Variants in TUSC3 observed in about 807,000 individuals in gnomAD.
TUSC3 encodes dolichyl-diphosphooligosaccharide--protein glycosyltransferase subunit TUSC3.
In TUSC3, 45 loss-of-function variants were observed where a neutral mutation model predicts 44.8. That is an observed-to-expected ratio of 1.00 (90% CI 0.79 to 1.29). TUSC3 has a LOEUF of 1.29. Among genes scored for constraint, TUSC3 ranks in the 50% most tolerant of loss-of-function variants. The pLI, the probability that TUSC3 is intolerant of heterozygous loss-of-function variation, is 0.00. For missense variants in TUSC3, 519 were observed against 437.9 expected, an observed-to-expected ratio of 1.19 and a Z score of -1.65; for synonymous variants, 212 against 152.9, an observed-to-expected ratio of 1.39 and a Z score of -2.85.
chr8:15,573,202 C>CTCTCTATATATATA (rs1435847916), intron 1 of TUSC3, among the ~76,000 whole-genome samples: 1 of 74,194 alleles, frequency 1.3e-5, no homozygotes, highest in African/African-American at 5.3e-5. Context: ...CTCTCTCTCT[C>CTCTCTATATATATA]TATATATATA....
intron 6 of TUSC3, among the ~76,000 whole-genome samples, chr8:15,682,920 C>T (rs1348594389): frequency 1.3e-5 from 2 of 151,732 alleles, no homozygotes; most frequent in Non-Finnish European, 2.9e-5. Context: ...CTTAGTTTGG[C>T]ATGAGATGCA....
chr8:15,563,344 G>C (rs992693579), intron 1 of TUSC3, among the ~76,000 whole-genome samples: 1 of 152,212 alleles, frequency 6.6e-6, no homozygotes, highest in East Asian at 1.9e-4. Flanking sequence ...AAAGGCTACT[G>C]TTTGCATGGT....
chr8:15,590,359 T>C (rs1402097577), intron 1 of TUSC3, among the ~76,000 whole-genome samples: 3 of 152,152 alleles, frequency 2.0e-5, no homozygotes, highest in Non-Finnish European at 4.4e-5. Context: ...CTTCTTCTTA[T>C]ACAAAACCCA....
chr8:15,790,914 A>AC, the TUSC3 span, among the ~76,000 whole-genome samples: 1 of 152,066 alleles, frequency 6.6e-6, no homozygotes, highest in African/African-American at 2.4e-5. Context: ...GTAGATACTG[A>AC]CCCCATCAAC....
the TUSC3 span, among the ~76,000 whole-genome samples, chr8:15,813,164 T>C: frequency 4.6e-5 from 7 of 152,206 alleles, no homozygotes; most frequent in Admixed American, 6.5e-5. Flanking sequence ...TTTTGTATCA[T>C]TGGGGATTTA....
intron 6 of TUSC3, among the ~76,000 whole-genome samples, chr8:15,718,976 G>T (rs1022546022): frequency 3.3e-5 from 5 of 151,902 alleles, no homozygotes; most frequent in African/African-American, 9.7e-5. Flanking sequence ...TTCAGGATCA[G>T]ATCACTTCTT....
chr8:15,599,506 A>G (rs1012927370), intron 1 of TUSC3, among the ~76,000 whole-genome samples: 3 of 151,734 alleles, frequency 2.0e-5, no homozygotes, highest in Non-Finnish European at 3.0e-5. Flanking sequence ...AGTCATCGCC[A>G]TACCCAGTTA....
intron 1 of TUSC3, among the ~76,000 whole-genome samples, chr8:15,417,971 C>CAATTATTA (rs1244137276): frequency 1.3e-5 from 2 of 152,172 alleles, no homozygotes; most frequent in African/African-American, 2.4e-5. Context: ...ATTATTAAAA[C>CAATTATTA]TCTACATGCC....
rs1585287400 is a variant in TUSC3 at position 15,739,413 on chromosome 8, A to G, written c.863-4125A>G. Among the ~76,000 whole-genome samples, 3 of 152,270 alleles carry G rather than the reference A, an allele frequency of 2.0e-5. No individual in the cohort carries two copies. The South Asian group carries it at 6.2e-4, about 32-fold the overall frequency. On this transcript the variant is annotated intron_variant, in intron 7 of 10. Coordinates refer to ENST00000503731, the MANE Select transcript of TUSC3 (RefSeq NM_006765.4). ...TTGCTGAGGTTTTTGACATGCTGAA[A>G]TCTTAAAATTTTCATGTTGACTTGG...
At chr8:15,670,920 A>T (rs529865579) in intron 5 of TUSC3, among the ~76,000 whole-genome samples, 15 of 152,048 alleles carry the variant, frequency 9.9e-5, no homozygotes, top group Admixed American at 7.9e-4. Context: ...CAATTAATAT[A>T]TGAAAAGGTA....
chr8:15,803,725 T>C, the TUSC3 span, among the ~76,000 whole-genome samples: 1 of 152,070 alleles, frequency 6.6e-6, no homozygotes, highest in Non-Finnish European at 1.5e-5. Flanking sequence ...CCTCACCCCC[T>C]GGCAGGCCCC....
chr8:15,456,304 G>C (rs777187341), intron 1 of TUSC3, among the ~76,000 whole-genome samples: 1 of 152,090 alleles, frequency 6.6e-6, no homozygotes, highest in Non-Finnish European at 1.5e-5. Context: ...TTGTGCAATG[G>C]GCAGGCGGAA....
chr8:15,582,556 A>T (rs1803411766), intron 1 of TUSC3, among the ~76,000 whole-genome samples: 1 of 152,218 alleles, frequency 6.6e-6, no homozygotes, highest in Admixed American at 6.5e-5. Context: ...ACTAAACATT[A>T]AAGGTCCTAT....
intron 2 of TUSC3, among the ~76,000 whole-genome samples, chr8:15,525,386 T>C (rs1046219270): frequency 1.2e-4 from 19 of 152,190 alleles, no homozygotes; most frequent in African/African-American, 3.9e-4. Flanking sequence ...TAGAACAAGT[T>C]TGGATTCTGT....
chr8:15,471,556 G>A (rs918848983), intron 1 of TUSC3, among the ~76,000 whole-genome samples: 2 of 151,602 alleles, frequency 1.3e-5, no homozygotes, highest in Non-Finnish European at 2.9e-5. Context: ...ACATTCACAT[G>A]AAAGACTTTA....
chr8:15,556,830 T>G (rs1265237438), intron 1 of TUSC3, among the ~76,000 whole-genome samples: 1 of 124,880 alleles, frequency 8.0e-6, no homozygotes, highest in Non-Finnish European at 1.7e-5. Context: ...TCATGTCCTT[T>G]GCCCACTTTT....
chr8:15,470,601 T>C (rs906917466), intron 1 of TUSC3, among the ~76,000 whole-genome samples: 1 of 152,114 alleles, frequency 6.6e-6, no homozygotes, highest in Non-Finnish European at 1.5e-5. Flanking sequence ...CTATAAACCA[T>C]GAAGAATAAA....
At chr8:15,476,200 A>G (rs1012902976) in intron 1 of TUSC3, among the ~76,000 whole-genome samples, 2 of 152,198 alleles carry the variant, frequency 1.3e-5, no homozygotes, top group African/African-American at 4.8e-5. Context: ...AATTTTTAAA[A>G]CCAAGTAATG....
the TUSC3 span, among the ~76,000 whole-genome samples, chr8:15,778,113 A>C: frequency 9.7e-6 from 1 of 103,098 alleles, no homozygotes; most frequent in East Asian, 3.3e-4. Context: ...AAAAAAAAAC[A>C]AAAAACCAAA....
Sources: allele counts gnomAD v4.1 joint callset (sites outside exome capture counted in the v4.1 genomes callset), GRCh38; gene constraint gnomAD v4.1.1; transcripts MANE v1.5; gene names NCBI Gene and HGNC (gene_info 2026-07-23, HGNC 2026-07-21).